Variants in EPM2A observed in about 807,000 individuals in gnomAD.
EPM2A encodes EPM2A glucan phosphatase, laforin.
Under a neutral mutation model 26.5 loss-of-function variants are expected in EPM2A, and 21 were observed. The observed-to-expected ratio is 0.79, with a 90% CI of 0.56 to 1.14. The LOEUF is 1.14. Ranked by LOEUF, EPM2A falls within the 50% of genes most tolerant of loss-of-function variation. The pLI is 0.00. For missense variants in EPM2A, 458 were observed against 440.8 expected, an observed-to-expected ratio of 1.04 and a Z score of -0.35; for synonymous variants, 217 against 177.6, an observed-to-expected ratio of 1.22 and a Z score of -1.76.
At chr6:145,396,378 A>G (rs1778405546) in intron 4 of EPM2A, among the ~76,000 whole-genome samples, 1 of 152,204 alleles carries the variant, frequency 6.6e-6, no homozygotes, top group African/African-American at 2.4e-5. Flanking sequence ...AGGAGGAATT[A>G]GATAAAACAA....
chr6:145,569,945 G>C (rs943027007), intron 2 of EPM2A, among the ~76,000 whole-genome samples: 6 of 152,158 alleles, frequency 3.9e-5, no homozygotes, highest in Admixed American at 6.5e-5. Flanking sequence ...GGAGCAAGGA[G>C]AGCCAGTCTG....
chr6:145,660,172 C>T (rs1342267092), intron 2 of EPM2A, among the ~76,000 whole-genome samples: 1 of 151,920 alleles, frequency 6.6e-6, no homozygotes, highest in Non-Finnish European at 1.5e-5. Flanking sequence ...CTAGGCCTTG[C>T]TTAACTTTGT....
chr6:145,429,210 G>C (rs1370999213), intron 4 of EPM2A, among the ~76,000 whole-genome samples: 1 of 151,956 alleles, frequency 6.6e-6, no homozygotes, highest in Non-Finnish European at 1.5e-5. Context: ...CCATTTCCTA[G>C]AATACTGTTC....
chr6:145,410,328 GTGTGTCTGAGAATT>G (rs1282331127), intron 4 of EPM2A, among the ~76,000 whole-genome samples: 1 of 152,168 alleles, frequency 6.6e-6, no homozygotes, highest in Non-Finnish European at 1.5e-5. Flanking sequence ...ACCAAGTAGA[GTGTGTCTGAGAATT>G]ACTGAGAAGA....
intron 4 of EPM2A, among the ~76,000 whole-genome samples, chr6:145,479,952 C>T (rs1364848687): frequency 6.6e-6 from 1 of 151,954 alleles, no homozygotes; most frequent in African/African-American, 2.4e-5. Flanking sequence ...TATAGCCATG[C>T]CAGTAGTTGC....
At chr6:145,396,192 T>C (rs1337446129) in intron 4 of EPM2A, among the ~76,000 whole-genome samples, 1 of 152,104 alleles carries the variant, frequency 6.6e-6, no homozygotes. Context: ...CAAAGACAAT[T>C]ACCTAAGAAG....
At position 145,626,888 on chromosome 6, in the gene EPM2A, AAAAC is replaced by A; in HGVS notation, c.*524_*527del. Reference sequence around the variant, plus strand: ...CTTTAACAACTGTGAGGCAGGATAAAAAACAAGTCCTGAAAGCCATCACTTTTTG... The same window carrying A: ...CTTTAACAACTGTGAGGCAGGATAAAAAGTCCTGAAAGCCATCACTTTTTG... On this transcript the variant is annotated 3_prime_UTR_variant, in exon 4 of 4. Transcript: ENST00000367519. 1 of 995,122 alleles carries A rather than the reference AAAAC, an allele frequency of 1.0e-6. No individual in the cohort carries two copies. The highest frequency in any genetic ancestry group is 1.2e-6 in the Non-Finnish European group (1 of 835,110). 61.6% of individuals were successfully genotyped at this position (995,122 alleles called of 1,614,324 possible). A position where few individuals can be genotyped will look rare whatever the true frequency, so the allele number is the denominator to read the frequency against.
intron 4 of EPM2A, among the ~76,000 whole-genome samples, chr6:145,469,501 T>C (rs1779445320): frequency 6.6e-6 from 1 of 152,086 alleles, no homozygotes; most frequent in Non-Finnish European, 1.5e-5. Context: ...TAAAATGGCT[T>C]ATATCCAAAA....
intron 2 of EPM2A, among the ~76,000 whole-genome samples, chr6:145,588,144 C>G (rs1390066254): frequency 6.6e-6 from 1 of 152,068 alleles, no homozygotes; most frequent in Non-Finnish European, 1.5e-5. Context: ...CAATAATGTG[C>G]CTTTATTTCC....
At chr6:145,519,784 A>C (rs1780179175) in intron 2 of EPM2A, among the ~76,000 whole-genome samples, 1 of 152,150 alleles carries the variant, frequency 6.6e-6, no homozygotes, top group Non-Finnish European at 1.5e-5. Context: ...GGTAGGTTCC[A>C]AGTTGACATC....
rs574711393 is a variant in EPM2A at position 145,620,277 on chromosome 6, G to A, written c.340+14968C>T. 1.5e-4 allele frequency among the ~76,000 whole-genome samples: 23 copies of A among 152,194 alleles called. No individual in the cohort carries two copies. In the East Asian group the frequency reaches 2.7e-3, roughly 18 times the overall value. On this transcript the variant is annotated intron_variant, in intron 2 of 3. Transcript: ENST00000450221. ...AAGGAGCGTGCAACCTAGATCCCTC[G>A]CATGTGCAGTTCACAATACAGTTCA... is the stretch of plus-strand genomic sequence containing the variant.
intron 1 of EPM2A, among the ~76,000 whole-genome samples, chr6:145,689,552 G>C (rs984513906): frequency 6.6e-6 from 1 of 152,148 alleles, no homozygotes; most frequent in East Asian, 1.9e-4. Flanking sequence ...ATCTGAAGAA[G>C]CCAGCAACCT....
At chr6:145,581,817 C>T (rs1361223452) in intron 2 of EPM2A, among the ~76,000 whole-genome samples, 1 of 152,148 alleles carries the variant, frequency 6.6e-6, no homozygotes, top group Non-Finnish European at 1.5e-5. Context: ...AGGCTTTTTC[C>T]TGGGTTCTGT....
chr6:145,495,387 C>A (rs1000815871), intron 4 of EPM2A, among the ~76,000 whole-genome samples: 4 of 150,442 alleles, frequency 2.7e-5, no homozygotes, highest in African/African-American at 9.8e-5. Flanking sequence ...GATGTTATTG[C>A]ATGTGAGATG....
At chr6:145,556,744 G>A (rs1780732777) in intron 2 of EPM2A, among the ~76,000 whole-genome samples, 1 of 152,046 alleles carries the variant, frequency 6.6e-6, no homozygotes. Context: ...TGTTTGCTGA[G>A]AAAAGCTGAC....
intron 4 of EPM2A, among the ~76,000 whole-genome samples, chr6:145,466,739 A>G (rs1779399613): frequency 6.6e-6 from 1 of 152,200 alleles, no homozygotes; most frequent in Admixed American, 6.5e-5. Context: ...ACTTGGAACC[A>G]ACCCAAATGT....
At chr6:145,410,727 G>T (rs1228966027) in intron 4 of EPM2A, among the ~76,000 whole-genome samples, 2 of 152,192 alleles carry the variant, frequency 1.3e-5, no homozygotes, top group Non-Finnish European at 2.9e-5. Flanking sequence ...AGCTTTGGGG[G>T]ATGAAAGCAG....
chr6:145,404,504 T>C (rs1778540406), intron 4 of EPM2A, among the ~76,000 whole-genome samples: 2 of 152,204 alleles, frequency 1.3e-5, no homozygotes, highest in South Asian at 2.1e-4. Flanking sequence ...AAAATTCAAA[T>C]TGAAGCTCGC....
At chr6:145,729,236 T>A (rs1293475369) in intron 1 of EPM2A, among the ~76,000 whole-genome samples, 1 of 152,102 alleles carries the variant, frequency 6.6e-6, no homozygotes, top group Non-Finnish European at 1.5e-5. Flanking sequence ...AAATGTTGAG[T>A]TGGAGCCCCC....
Sources: allele counts gnomAD v4.1 joint callset (sites outside exome capture counted in the v4.1 genomes callset), GRCh38; gene constraint gnomAD v4.1.1; transcripts MANE v1.5; gene names NCBI Gene and HGNC (gene_info 2026-07-23, HGNC 2026-07-21).